The following CREB5 variants were observed in gnomAD, a reference collection of about 807,000 sequenced individuals.
The protein encoded by CREB5 is cAMP responsive element binding protein 5.
Under a neutral mutation model 57.1 loss-of-function variants are expected in CREB5, and 19 were observed. The observed-to-expected ratio is 0.33, with a 90% CI of 0.23 to 0.49. The LOEUF (loss-of-function observed/expected upper bound fraction) is 0.49, where lower values mean the gene tolerates loss of function less well. CREB5 is among the 20% of genes least tolerant of loss of function. CREB5 has a pLI of 0.99. For synonymous variants in CREB5, 238 were observed against 238.3 expected (o/e 1.00, Z 0.01); for missense variants, 579 against 671.6 (o/e 0.86, Z 1.52).
At chr7:28,724,174 C>G (rs1803200990) in intron 6 of CREB5, 48 bp from the exon 7 acceptor site, 4 of 1,524,682 alleles carry the variant, frequency 2.6e-6, no homozygotes, top group Non-Finnish European at 3.6e-6. Flanking sequence ...GTCTAATGAC[C>G]TAGACTGCCT....
intron 5 of CREB5, among the ~76,000 whole-genome samples, chr7:28,670,413 T>A (rs559355503): frequency 6.6e-6 from 1 of 152,344 alleles, no homozygotes; most frequent in East Asian, 1.9e-4. Context: ...CTACTATATT[T>A]GAGCTCATTG....
chr7:28,724,517 C>T (rs900204049), intron 7 of CREB5, 185 bp downstream of exon 7: 11 of 575,972 alleles, frequency 1.9e-5, no homozygotes, highest in Non-Finnish European at 2.2e-5. Context: ...GTCAGATAAT[C>T]ATGTAACAAG....
intron 7 of CREB5, among the ~76,000 whole-genome samples, chr7:28,798,834 TG>T (rs1808206300): frequency 6.6e-6 from 1 of 152,232 alleles, no homozygotes; most frequent in Non-Finnish European, 1.5e-5. Context: ...GAAAAATATA[TG>T]TTTATTTGCT....
Position 28,764,650 on chromosome 7 carries a change from A to T in CREB5, c.703-39549A>T, listed in dbSNP as rs117723994. Among the ~76,000 whole-genome samples, 405 of 152,314 alleles carry T rather than the reference A, an allele frequency of 2.7e-3. 17 individuals are homozygous for T. In the East Asian group the frequency reaches 0.07, roughly 26 times the overall value. On this transcript the variant is annotated intron_variant, in intron 7 of 10. Transcript: ENST00000357727. ...TTTTCAAAACTCTTTGCAAATATTG[A>T]TTTGTAAAGCTACTATCTCCCTATG...
chr7:28,488,544 G>C (rs1791669638), intron 2 of CREB5, among the ~76,000 whole-genome samples: 1 of 152,162 alleles, frequency 6.6e-6, no homozygotes, highest in African/African-American at 2.4e-5. Flanking sequence ...AATATGCAGG[G>C]CCATCATTTC....
chr7:28,701,232 T>C (rs1801843167), intron 5 of CREB5, among the ~76,000 whole-genome samples: 1 of 152,144 alleles, frequency 6.6e-6, no homozygotes, highest in Non-Finnish European at 1.5e-5. Flanking sequence ...GGAAGACAAG[T>C]CTAGTTTCTG....
intron 1 of CREB5, among the ~76,000 whole-genome samples, chr7:28,321,823 C>T (rs1267489382): frequency 6.6e-6 from 1 of 152,282 alleles, no homozygotes; most frequent in Non-Finnish European, 1.5e-5. Context: ...GATCACAGAG[C>T]GCCGATGCTC....
intron 1 of CREB5, among the ~76,000 whole-genome samples, chr7:28,414,444 T>C (rs1007507299): frequency 6.6e-6 from 1 of 152,198 alleles, no homozygotes; most frequent in African/African-American, 2.4e-5. Flanking sequence ...TTCTCTGAAT[T>C]CTATTTAAGA....
intron 5 of CREB5, among the ~76,000 whole-genome samples, chr7:28,666,356 TGGG>T: frequency 6.6e-6 from 1 of 152,276 alleles, no homozygotes; most frequent in Non-Finnish European, 1.5e-5. Flanking sequence ...TGAACAGGGT[TGGG>T]CTAGATCCCT....
intron 1 of CREB5, among the ~76,000 whole-genome samples, chr7:28,335,756 A>G (rs1785811176): frequency 6.6e-6 from 1 of 152,114 alleles, no homozygotes; most frequent in African/African-American, 2.4e-5. Flanking sequence ...ACAGTGTTGA[A>G]AATGGACATC....
At chr7:28,637,763 A>G (rs189773951) in intron 5 of CREB5, among the ~76,000 whole-genome samples, 26 of 152,366 alleles carry the variant, frequency 1.7e-4, no homozygotes, top group Admixed American at 1.4e-3. Context: ...TTCAACTTCT[A>G]CAAGTCAACC....
intron 4 of CREB5, among the ~76,000 whole-genome samples, chr7:28,568,927 T>C (rs1795589382): frequency 6.6e-6 from 1 of 152,208 alleles, no homozygotes; most frequent in Non-Finnish European, 1.5e-5. Context: ...GTAACATTTA[T>C]TTTTTCTTTG....
intron 1 of CREB5, among the ~76,000 whole-genome samples, chr7:28,453,857 TCTTTA>T (rs1789958206): frequency 6.6e-6 from 1 of 152,230 alleles, no homozygotes; most frequent in South Asian, 2.1e-4. Context: ...AATGCTGCCC[TCTTTA>T]CTTTGTTGGT....
At chr7:28,680,175 G>C (rs1800517635) in intron 5 of CREB5, among the ~76,000 whole-genome samples, 1 of 152,126 alleles carries the variant, frequency 6.6e-6, no homozygotes, top group East Asian at 1.9e-4. Flanking sequence ...CACCTCACTT[G>C]CTTCAACCTG....
At chr7:28,765,329 T>G (rs1805904237) in intron 7 of CREB5, among the ~76,000 whole-genome samples, 1 of 152,246 alleles carries the variant, frequency 6.6e-6, no homozygotes, top group Non-Finnish European at 1.5e-5. Flanking sequence ...ACTTCCTAAG[T>G]GTTTTACCCT....
At chr7:28,413,225 C>T (rs994749779) in intron 1 of CREB5, among the ~76,000 whole-genome samples, 2 of 151,658 alleles carry the variant, frequency 1.3e-5, no homozygotes, top group Admixed American at 1.3e-4. Flanking sequence ...AGCATGAATT[C>T]CCCTTTCTGT....
In CREB5 at chr7:28,509,631, C is replaced by T. The variant is rs182039350; in HGVS notation, c.291+1894C>T. Reference sequence around the variant, plus strand: ...ATTTAAAAAACATTGTCATGCTATACATGTTTCGTGAGTTGCTTTAAATTT... The same window carrying T: ...ATTTAAAAAACATTGTCATGCTATATATGTTTCGTGAGTTGCTTTAAATTT... On this transcript the variant is annotated intron_variant, in intron 4 of 10. Coordinates refer to ENST00000357727, the MANE Select transcript of CREB5 (RefSeq NM_182898.4). Among the ~76,000 whole-genome samples, 9 of 152,290 alleles carry T rather than the reference C, an allele frequency of 5.9e-5. No individual in the cohort carries two copies. In the East Asian group the frequency reaches 1.7e-3, roughly 29 times the overall value.
At chr7:28,379,734 G>A (rs2127995622) in intron 1 of CREB5, among the ~76,000 whole-genome samples, 1 of 152,314 alleles carries the variant, frequency 6.6e-6, no homozygotes, top group Middle Eastern at 3.4e-3. Context: ...CTAATGTGCA[G>A]CCAACATTGA....
chr7:28,488,141 T>C, intron 1 of CREB5, 34 bp from the exon 2 acceptor site: 4 of 1,600,280 alleles, frequency 2.5e-6, no homozygotes, highest in South Asian at 2.2e-5. Context: ...CATGGATTTC[T>C]TTTTCCTTCC....
Sources: gnomAD v4.1 joint callset for allele counts (sites outside exome capture counted in the v4.1 genomes callset) on GRCh38, gnomAD v4.1.1 for gene constraint, MANE v1.5 for transcripts, NCBI Gene and HGNC (gene_info 2026-07-23, HGNC 2026-07-21) for gene names.